The following ZNF106 variants were observed in gnomAD, a reference collection of about 807,000 sequenced individuals.
The protein encoded by ZNF106 is SH3-domain binding protein 3.
ZNF106 carries 67 observed loss-of-function variants against 195.1 expected under a neutral mutation model. The observed-to-expected ratio is 0.34, with a 90% CI of 0.28 to 0.42. The LOEUF (loss-of-function observed/expected upper bound fraction) is 0.42. Among genes scored for constraint, ZNF106 ranks in the 10% least tolerant of loss-of-function variants. The probability of loss-of-function intolerance (pLI) is 1.00; values close to 1 mark genes in which losing one functional copy is unlikely to be tolerated. For missense variants in ZNF106, 2,118 were observed against 2,304.5 expected, an observed-to-expected ratio of 0.92 and a Z score of 1.66; for synonymous variants, 784 against 818.6, an observed-to-expected ratio of 0.96 and a Z score of 0.72.
rs892008953 is a variant in ZNF106, at chr15:42,417,190, G to C, written c.*114C>G. The stretch of plus-strand genomic sequence containing the variant: ...CTTATGCTAGGGGTATGCCTGGCTA[G>C]TAACCACTTTCTCCTTCCTTACTTC... On this transcript the variant is annotated 3_prime_UTR_variant, in exon 22 of 22. Transcript: ENST00000564754. 1.7e-6 allele frequency: 2 copies of C among 1,153,126 alleles called. No individual in the cohort carries two copies. Among genetic ancestry groups the C allele is most frequent in the African/African-American group, 3.1e-5 (2 of 65,560 alleles). The allele number at this position is 1,153,126 out of a possible 1,614,324, so 71.4% of individuals were successfully genotyped here. A position where few individuals can be genotyped will look rare whatever the true frequency, so the allele number is the denominator to read the frequency against.
intron 1 of ZNF106, among the ~76,000 whole-genome samples, chr15:42,489,093 A>AACACAC (rs368303436): frequency 1.2e-4 from 17 of 142,472 alleles, no homozygotes; most frequent in African/African-American, 3.6e-4. Flanking sequence ...AAAAAAAAAC[A>AACACAC]ACACACACAC....
chr15:42,464,696 T>C (rs759642714), intron 3 of ZNF106, among the ~76,000 whole-genome samples: 2 of 151,766 alleles, frequency 1.3e-5, no homozygotes, highest in African/African-American at 2.4e-5. Context: ...CCAGCTAATT[T>C]TGGGGGTTTT....
rs1202543685 is a variant in ZNF106, at chr15:42,451,179, C to T, written c.1093G>A (p.Ala365Thr). 2 of 1,613,974 alleles carry T rather than the reference C, an allele frequency of 1.2e-6. No homozygotes were observed. Among genetic ancestry groups the T allele is most frequent in the Non-Finnish European group, 1.7e-6 (2 of 1,180,026 alleles). ...GTCCAGCGACGAGGCTTTTCCCTTG[C>T]CGCACTGCCATTCTTTCCACTAACT... ...SKVSGKNGSAAREKPRRWTPY... is the reference protein window; with the variant it reads ...SKVSGKNGSATREKPRRWTPY... Residue 365 changes from alanine (A) to threonine (T), a missense_variant, in exon 5 of 22, where the codon GCA becomes ACA. Ala to Thr is a moderately conservative substitution (Grantham distance 58, BLOSUM62 0). Transcript: ENST00000564754.
Position 42,415,446 on chromosome 15 carries a change from T to G in ZNF106, c.*1858A>C. The stretch of plus-strand genomic sequence containing the variant: ...CTCCTAGATTAATTCTTGACATTTT[T>G]TGGATCAAGTAAGAACCACTGGAGC... On this transcript the variant is annotated 3_prime_UTR_variant, in exon 22 of 22. Coordinates refer to ENST00000564754, the MANE Select transcript of ZNF106 (RefSeq NM_001366845.3). 2.2e-6 allele frequency: 1 copy of G among 453,942 alleles called. No individual in the cohort carries two copies. The highest frequency in any genetic ancestry group is 4.4e-6 in the Non-Finnish European group (1 of 226,058). 28.1% of individuals were successfully genotyped at this position (453,942 alleles called of 1,614,324 possible).
At chr15:42,476,000 C>T (rs1900920) in intron 1 of ZNF106, among the ~76,000 whole-genome samples, 105,994 of 151,986 alleles carry the variant, frequency 0.7, 37,524 homozygotes, top group East Asian at 0.81. Context: ...CAACCCCTAG[C>T]AAATGGATAA....
chr15:42,439,052 T>C lies in ZNF106; in HGVS notation c.4525A>G (p.Lys1509Glu), dbSNP rs1206237241. The C allele has an allele frequency of 1.9e-6, 3 of 1,613,538 alleles. No individual in the cohort carries two copies. Among genetic ancestry groups the C allele is most frequent in the Admixed American group, 1.7e-5 (1 of 59,912 alleles). ...SSTSEIGTRY[K>E]DGIPVSVAET... ...TCTTACCTTACAGGGATGCCATCTT[T>C]ATAGCGAGTGCCAATTTCACTGGTA... The change falls in exon 11 of 22, where the codon AAA becomes GAA. Residue 1509 changes from lysine to glutamate, a missense_variant. Coordinates refer to ENST00000564754, the MANE Select transcript of ZNF106 (RefSeq NM_001366845.3).
At chr15:42,439,857 G>C in intron 10 of ZNF106, 44 bp from the exon 11 acceptor site, 5 of 1,480,344 alleles carry the variant, frequency 3.4e-6, no homozygotes, top group Non-Finnish European at 3.6e-6. Context: ...TTTTGTGTTT[G>C]CTGCAATTTA....
intron 14 of ZNF106, 75 bp downstream of exon 14, chr15:42,435,309 A>G: frequency 6.3e-7 from 1 of 1,582,430 alleles, no homozygotes. Context: ...CGTCTGCCAC[A>G]GTGTCTCCAC....
chr15:42,449,759 A>C lies in ZNF106; in HGVS notation c.2501+12T>G. 6 of 1,591,612 alleles carry C rather than the reference A, an allele frequency of 3.8e-6. No homozygotes were observed. Among genetic ancestry groups the C allele is most frequent in the Non-Finnish European group, 3.4e-6 (4 of 1,168,478 alleles). On this transcript the variant is annotated intron_variant, in intron 5 of 21. Coordinates refer to ENST00000564754, the MANE Select transcript of ZNF106 (RefSeq NM_001366845.3). ...AGTGAGGAAAAAAAAGACACCGAAA[A>C]GCAGCACACACCTGGGTAAGCCTTT...
intron 1 of ZNF106, among the ~76,000 whole-genome samples, chr15:42,481,340 CTGTTTTTTTTTTTGT>C (rs1284418613): frequency 1.6e-5 from 2 of 125,588 alleles, no homozygotes; most frequent in Admixed American, 7.8e-5. Flanking sequence ...CATATTCTTT[CTGTTTTTTTTTTTGT>C]TGTTTTTTTT....
In ZNF106 at chr15:42,446,661, G is replaced by A. The variant is rs1308152236; in HGVS notation, c.3136-3C>T. On this transcript the variant is annotated splice_polypyrimidine_tract_variant and splice_region_variant and intron_variant, in intron 6 of 21. Coordinates refer to ENST00000564754, the MANE Select transcript of ZNF106 (RefSeq NM_001366845.3). The stretch of plus-strand genomic sequence containing the variant: ...GGGAGTTCAGGAGAAGATCCATCCT[G>A]GAAGGATAAAGAAAACTGAATAAAA... 1 of 1,598,058 alleles carries A rather than the reference G, an allele frequency of 6.3e-7. No individual in the cohort carries two copies. Among genetic ancestry groups the A allele is most frequent in the African/African-American group, 1.4e-5 (1 of 74,042 alleles).
chr15:42,455,097 C>G (rs1263469130), intron 4 of ZNF106, among the ~76,000 whole-genome samples: 1 of 152,016 alleles, frequency 6.6e-6, no homozygotes, highest in Non-Finnish European at 1.5e-5. Flanking sequence ...CTGCCTAAAG[C>G]AGGATAAAGT....
At chr15:42,483,954 C>T (rs1364859984) in intron 1 of ZNF106, among the ~76,000 whole-genome samples, 3 of 152,194 alleles carry the variant, frequency 2.0e-5, no homozygotes, top group African/African-American at 7.2e-5. Flanking sequence ...GTGCACTGCT[C>T]TTCTGAAACC....
chr15:42,438,817 G>C, intron 11 of ZNF106, 150 bp from the exon 12 acceptor site: 1 of 887,910 alleles, frequency 1.1e-6, no homozygotes, highest in African/African-American at 1.7e-5. Flanking sequence ...ATTTCTTAAT[G>C]AAGGGAAATA....
intron 1 of ZNF106, among the ~76,000 whole-genome samples, chr15:42,475,862 G>A (rs1399505794): frequency 1.3e-5 from 2 of 152,156 alleles, no homozygotes; most frequent in South Asian, 2.1e-4. Context: ...AAGCAATAAA[G>A]TCAGTAAAAG....
chr15:42,470,516 A>T (rs192218450), intron 2 of ZNF106, among the ~76,000 whole-genome samples: 1,988 of 152,032 alleles, frequency 0.013, 19 homozygotes, highest in African/African-American at 0.029. Flanking sequence ...TCCTTTTTTT[A>T]AAAAAAAGGA....
rs1379681006 is a variant in ZNF106, at chr15:42,481,363, T to TG, written c.-32-9043_-32-9042insC. Among the ~76,000 whole-genome samples, 232 of 142,838 alleles carry TG rather than the reference T, an allele frequency of 1.6e-3. 3 individuals carry two copies. Among genetic ancestry groups the TG allele is most frequent in the African/African-American group, 5.8e-3 (220 of 38,022 alleles). The allele number at this position is 142,838 out of a possible 152,430, so 93.7% of individuals were successfully genotyped here. ...TTCTGTTTTTTTTTTTGTTGTTTTT[T>TG]TTTTTTTTTTTTGAGACAGAGTCTT... On this transcript the variant is annotated intron_variant, in intron 1 of 21. Coordinates refer to ENST00000564754, the MANE Select transcript of ZNF106 (RefSeq NM_001366845.3).
chr15:42,452,792 TCTC>T (rs2056089551), intron 4 of ZNF106, among the ~76,000 whole-genome samples: 1 of 150,720 alleles, frequency 6.6e-6, no homozygotes, highest in East Asian at 2.0e-4. Flanking sequence ...CTCAAGCAAT[TCTC>T]CTGCCTCAGA....
chr15:42,412,868 TCTTG>T lies in ZNF106; in HGVS notation c.*4432_*4435del, dbSNP rs2054314401. The T allele has an allele frequency of 6.6e-6, 1 of 152,268 alleles. No individual in the cohort carries two copies. Among genetic ancestry groups the T allele is most frequent in the South Asian group, 2.1e-4 (1 of 4,834 alleles). 9.4% of individuals were successfully genotyped at this position (152,268 alleles called of 1,614,324 possible). A position where few individuals can be genotyped will look rare whatever the true frequency, so the allele number is the denominator to read the frequency against. The stretch of plus-strand genomic sequence containing the variant: ...ATTTTCCTCTTGTATTTGCTTTATA[TCTTG>T]CTTTACAAAGTTACGAAGTTCACAG... On this transcript the variant is annotated 3_prime_UTR_variant, in exon 22 of 22. Transcript: ENST00000564754.
Sources: allele counts gnomAD v4.1 joint callset (sites outside exome capture counted in the v4.1 genomes callset), GRCh38; gene constraint gnomAD v4.1.1; transcripts MANE v1.5; gene names NCBI Gene and HGNC (gene_info 2026-07-23, HGNC 2026-07-21).